Variants in TEX14 observed in about 807,000 individuals in gnomAD.
The protein encoded by TEX14 is inactive serine/threonine-protein kinase TEX14.
A neutral mutation model predicts 178.6 loss-of-function variants in TEX14; 168 were observed. The ratio of observed to expected loss-of-function variants is 0.94; its 90% CI spans 0.83 to 1.07. The LOEUF (loss-of-function observed/expected upper bound fraction) is 1.07. Ranked by LOEUF, TEX14 falls within the 50% of genes least tolerant of loss-of-function variation. The pLI is 0.00. For missense variants in TEX14, 1,730 were observed against 1,753.6 expected, an observed-to-expected ratio of 0.99 and a Z score of 0.24; for synonymous variants, 626 against 634.1, an observed-to-expected ratio of 0.99 and a Z score of 0.19.
chr17:58,557,284 T>G (rs2044157357), intron 31 of TEX14, among the ~76,000 whole-genome samples: 1 of 151,970 alleles, frequency 6.6e-6, no homozygotes, highest in South Asian at 2.1e-4. Context: ...TCTTTTTTTT[T>G]TTTTGAGACG....
chr17:58,690,311 C>T (rs987518085), intron 1 of TEX14, among the ~76,000 whole-genome samples: 6 of 152,048 alleles, frequency 3.9e-5, no homozygotes, highest in Non-Finnish European at 7.4e-5. Flanking sequence ...GGACTAGAGG[C>T]ATGTACCACC....
At chr17:58,609,731 G>T (rs2045701065) in intron 10 of TEX14, among the ~76,000 whole-genome samples, 1 of 152,192 alleles carries the variant, frequency 6.6e-6, no homozygotes, top group Admixed American at 6.5e-5. Flanking sequence ...CCAGGTCTGG[G>T]GAAGTGAGAG....
intron 2 of TEX14, among the ~76,000 whole-genome samples, chr17:58,638,559 A>G (rs1473092817): frequency 2.0e-5 from 3 of 151,944 alleles, no homozygotes; most frequent in Non-Finnish European, 2.9e-5. Context: ...TTTTTCTGAG[A>G]CGGAGTTTCA....
At chr17:58,667,684 A>G (rs1174996160) in intron 1 of TEX14, among the ~76,000 whole-genome samples, 1 of 152,176 alleles carries the variant, frequency 6.6e-6, no homozygotes, top group East Asian at 1.9e-4. Context: ...CAGGAGTTCG[A>G]GACCAGCCTG....
intron 15 of TEX14, 140 bp downstream of exon 15, chr17:58,593,415 G>A: frequency 3.0e-6 from 2 of 668,218 alleles, no homozygotes; most frequent in South Asian, 1.9e-5. Flanking sequence ...CTCAGTGGGA[G>A]AACCTGCCAA....
chr17:58,567,248 T>C (rs1011886658), intron 26 of TEX14, among the ~76,000 whole-genome samples: 3 of 152,156 alleles, frequency 2.0e-5, no homozygotes, highest in Non-Finnish European at 4.4e-5. Context: ...GCTAACTCAG[T>C]ATGCTGCTTT....
chr17:58,572,051 G>A lies in TEX14; in HGVS notation c.3587C>T (p.Ala1196Val). The change falls in exon 24 of 32, where the codon GCC becomes GTC. Residue 1196 changes from alanine to valine, a missense_variant. Ala to Val is a moderately conservative substitution (Grantham distance 64, BLOSUM62 0). Around this residue, in one of 2 missense-constraint regions of TEX14, gnomAD observed 941 missense variants for 1,072.4 expected, o/e 0.88. Coordinates refer to ENST00000349033, the MANE Select transcript of TEX14 (RefSeq NM_031272.5). The stretch of plus-strand genomic sequence containing the variant: ...AAATTCTTGACTGTTCCAGCAAGAG[G>A]CAAACTCTGTCTTAACCTGAAATGT... ...SITFQVKTEF[A>V]SCWNSQEFIQ... The A allele has an allele frequency of 6.2e-7, 1 of 1,614,026 alleles. No homozygotes were observed. Among genetic ancestry groups the A allele is most frequent in the Non-Finnish European group, 8.5e-7 (1 of 1,179,906 alleles).
intron 27 of TEX14, 35 bp from the exon 28 acceptor site, chr17:58,565,003 CG>C: frequency 7.2e-7 from 1 of 1,386,594 alleles, no homozygotes; most frequent in Non-Finnish European, 1.0e-6. Context: ...TTTATTAGAA[CG>C]AAAAAAAAAT....
intron 27 of TEX14, 87 bp from the exon 28 acceptor site, chr17:58,565,055 C>A: frequency 1.3e-6 from 1 of 767,930 alleles, no homozygotes; most frequent in Non-Finnish European, 2.1e-6. Context: ...AAATTAAGGC[C>A]AATCAGTGGT....
At chr17:58,661,316 A>C in intron 1 of TEX14, 1 of 850,304 alleles carries the variant, frequency 1.2e-6, no homozygotes, top group East Asian at 2.4e-5. Flanking sequence ...ACGGGGGTTG[A>C]CTTGTTTCAT....
intron 19 of TEX14, among the ~76,000 whole-genome samples, chr17:58,581,225 C>A (rs1446122536): frequency 6.6e-6 from 1 of 151,586 alleles, no homozygotes; most frequent in African/African-American, 2.4e-5. Context: ...GCAGGAGAAT[C>A]GCTTGAACCC....
At chr17:58,651,131 G>T (rs1301623227) in intron 2 of TEX14, among the ~76,000 whole-genome samples, 2 of 152,154 alleles carry the variant, frequency 1.3e-5, no homozygotes, top group African/African-American at 4.8e-5. Flanking sequence ...ACATAAATTA[G>T]CCAGGCATGG....
intron 8 of TEX14, among the ~76,000 whole-genome samples, chr17:58,614,774 T>C (rs1464969907): frequency 2.0e-5 from 3 of 152,186 alleles, no homozygotes; most frequent in Admixed American, 6.5e-5. Flanking sequence ...TCTGGAGCCA[T>C]AGGAACCCTA....
intron 1 of TEX14, among the ~76,000 whole-genome samples, chr17:58,676,648 C>G (rs569902145): frequency 3.9e-5 from 6 of 152,232 alleles, no homozygotes; most frequent in African/African-American, 1.4e-4. Flanking sequence ...TTTTAGAATG[C>G]AATGAATGAA....
Position 58,651,856 on chromosome 17 carries a change from T to C in TEX14, c.136+10A>G, listed in dbSNP as rs201394031. The C allele has an allele frequency of 1.2e-4, 195 of 1,599,082 alleles. No individual in the cohort carries two copies. The East Asian group carries it at 3.8e-3, about 31-fold the overall frequency. ...CCAAGGTGCATCTGCCATCTCAACA[T>C]GGTGCTTACCTTTCTTAAGAATTTT... is the stretch of plus-strand genomic sequence containing the variant. On this transcript the variant is annotated intron_variant, in intron 2 of 31. Transcript: ENST00000349033.
intron 1 of TEX14, 102 bp downstream of exon 1, chr17:58,691,837 C>A (rs2047737005): frequency 6.6e-6 from 1 of 152,160 alleles, no homozygotes; most frequent in Non-Finnish European, 1.5e-5. Flanking sequence ...TTGAACACCC[C>A]TTCCCAAGTC....
At chr17:58,584,723 T>C in intron 18 of TEX14, 123 bp from the exon 19 acceptor site, 1 of 766,188 alleles carries the variant, frequency 1.3e-6, no homozygotes, top group Non-Finnish European at 2.2e-6. Context: ...CCATGTCCCA[T>C]ACGTTAGGTT....
chr17:58,665,572 G>A (rs2047189198), intron 1 of TEX14, among the ~76,000 whole-genome samples: 1 of 151,884 alleles, frequency 6.6e-6, no homozygotes, highest in Non-Finnish European at 1.5e-5. Context: ...CTCCAGCCTA[G>A]GCAACAGGGT....
In TEX14 at chr17:58,569,250, G is replaced by A; in HGVS notation, c.3828C>T (p.Phe1276=). 1 of 1,613,952 alleles carries A rather than the reference G, an allele frequency of 6.2e-7. No individual in the cohort carries two copies. The highest frequency in any genetic ancestry group is 8.5e-7 in the Non-Finnish European group (1 of 1,179,856). ...GCAGCTCATCAATGTGATGCTGTGAGAAGGCTTCTACTAGTTTTTAAAAAA... is the reference window on the plus strand; with the variant it reads ...GCAGCTCATCAATGTGATGCTGTGAAAAGGCTTCTACTAGTTTTTAAAAAA... ...QRRSLPKVEA[F]SQHHIDELPP... The change falls in exon 26 of 32, where the codon TTC becomes TTT. Residue 1276 remains phenylalanine, a synonymous_variant. Coordinates refer to ENST00000349033, the MANE Select transcript of TEX14 (RefSeq NM_031272.5). The surrounding 1 kb of genome is among the most constrained non-coding windows in gnomAD (Gnocchi z 4.1).
Sources: gnomAD v4.1 joint callset for allele counts (sites outside exome capture counted in the v4.1 genomes callset) on GRCh38, gnomAD v4.1.1 for gene constraint, gnomAD v4.1.1 regional missense constraint, Gnocchi (gnomAD v3.1) non-coding constraint, MANE v1.5 for transcripts, NCBI Gene and HGNC (gene_info 2026-07-23, HGNC 2026-07-21) for gene names.